GAD2: variants seen among roughly 807,000 people sequenced by gnomAD.
GAD2 encodes the protein glutamate decarboxylase 2.
In GAD2, 22 loss-of-function variants were observed where a neutral mutation model predicts 80.1. The ratio of observed to expected loss-of-function variants is 0.27; its 90% confidence interval spans 0.20 to 0.39. The LOEUF is 0.39. GAD2 is among the 10% of genes least tolerant of loss of function. GAD2 has a pLI of 1.00. For missense variants in GAD2, 624 were observed against 738.4 expected (o/e 0.85, Z 1.80); for synonymous variants, 274 against 256.9 (o/e 1.07, Z -0.64).
At chr10:26,262,518 T>G (rs1448626211) in intron 8 of GAD2, among the ~76,000 whole-genome samples, 1 of 152,102 alleles carries the variant, frequency 6.6e-6, no homozygotes, top group African/African-American at 2.4e-5. Context: ...GTCCCATCTT[T>G]TGAATTTATT....
chr10:26,282,594 C>T (rs1323125874), intron 12 of GAD2, among the ~76,000 whole-genome samples: 1 of 152,108 alleles, frequency 6.6e-6, no homozygotes, highest in African/African-American at 2.4e-5. Context: ...TATTCTATCA[C>T]ATAATTCAAT....
intron 12 of GAD2, among the ~76,000 whole-genome samples, chr10:26,284,967 C>T (rs1336325664): frequency 6.6e-6 from 1 of 152,092 alleles, no homozygotes; most frequent in Non-Finnish European, 1.5e-5. Context: ...CTGAGGTGGT[C>T]TTCCTTAGTA....
chr10:26,296,304 A>G (rs1834272855), intron 15 of GAD2, among the ~76,000 whole-genome samples: 1 of 152,248 alleles, frequency 6.6e-6, no homozygotes, highest in Admixed American at 6.5e-5. Context: ...TTCAGTCTAT[A>G]GCAAATACCT....
intron 12 of GAD2, among the ~76,000 whole-genome samples, chr10:26,283,018 T>C (rs1845289558): frequency 1.3e-5 from 2 of 152,246 alleles, no homozygotes; most frequent in Admixed American, 1.3e-4. Flanking sequence ...ATTTTTGTTA[T>C]TTAGAATTCA....
rs1262383631 is a variant in GAD2 at position 26,292,945 on chromosome 10, T to G, written c.1538T>G (p.Leu513Trp). The G allele has an allele frequency of 5.6e-6, 9 of 1,613,890 alleles. No individual in the cohort carries two copies. Among genetic ancestry groups the G allele is most frequent in the Non-Finnish European group, 7.6e-6 (9 of 1,179,944 alleles). The change falls in exon 15 of 16, where the codon TTG becomes TGG. Residue 513 changes from leucine (L) to tryptophan (W), a missense_variant. By Grantham distance (61) the Leu-to-Trp change is moderately conservative. Coordinates refer to ENST00000376261, the MANE Select transcript of GAD2 (RefSeq NM_001134366.2). ...TGCTTCTGGTACATTCCTCCAAGCTTGCGTACTCTGGAAGACAATGAAGAG... is the reference window on the plus strand; with the variant it reads ...TGCTTCTGGTACATTCCTCCAAGCTGGCGTACTCTGGAAGACAATGAAGAG... ...NVCFWYIPPS[L>W]RTLEDNEERM...
chr10:26,236,407 G>A (rs990058991), intron 7 of GAD2, among the ~76,000 whole-genome samples: 7 of 150,620 alleles, frequency 4.6e-5, no homozygotes, highest in African/African-American at 1.5e-4. Context: ...ATCAAGCAAT[G>A]GTCCTGCCTC....
chr10:26,235,496 G>A (rs1844660494), intron 7 of GAD2, among the ~76,000 whole-genome samples: 1 of 152,118 alleles, frequency 6.6e-6, no homozygotes, highest in South Asian at 2.1e-4. Flanking sequence ...AATTTTTCTG[G>A]TTGTTTGAAT....
rs182174177 is a variant in GAD2 at position 26,242,907 on chromosome 10, G to A, written c.841-3014G>A. ...GTGCTTAAGAGCTCATTCACAGAGG[G>A]GTGTAATTTGAGTGGCTTGCATGTA... On this transcript the variant is annotated intron_variant, in intron 7 of 15. Transcript: ENST00000376261. Among the ~76,000 whole-genome samples, 82 of 152,204 alleles carry A rather than the reference G, an allele frequency of 5.4e-4. 1 individual carries two copies. Among genetic ancestry groups the A allele is most frequent in the African/African-American group, 2.0e-3 (82 of 41,528 alleles).
chr10:26,298,628 T>G lies in GAD2; in HGVS notation c.1585-2160T>G, dbSNP rs951034120. On this transcript the variant is annotated intron_variant, in intron 15 of 15. Transcript: ENST00000376261. ...GCTTGGATTACCCATGAAAACTAAA[T>G]GAGACTTTAATTTACTGAGTAAAGC... Among the ~76,000 whole-genome samples the G allele has an allele frequency of 3.3e-5, 5 of 152,238 alleles. No individual in the cohort carries two copies. In the East Asian group the frequency reaches 9.6e-4, roughly 29 times the overall value.
In GAD2 at chr10:26,219,392, A is replaced by C. The variant is rs1453559676; in HGVS notation, c.520+116A>C. ...CTGATATTTTCAAAATTGCAAAGTT[A>C]TTTTCATCATGTAAAAAATAGTCAT... On this transcript the variant is annotated intron_variant, in intron 4 of 15. Coordinates refer to ENST00000376261, the MANE Select transcript of GAD2 (RefSeq NM_001134366.2). 4.6e-6 allele frequency: 3 copies of C among 653,630 alleles called. No individual in the cohort carries two copies. The African/African-American group carries it at 5.5e-5, about 12-fold the overall frequency. The allele number at this position is 653,630 out of a possible 1,614,324, so 40.5% of individuals were successfully genotyped here.
rs372734103 is a variant in GAD2 at position 26,273,572 on chromosome 10, C to T, written c.1093-64C>T. 6.6e-6 allele frequency: 9 copies of T among 1,363,644 alleles called. No individual in the cohort carries two copies. The African/African-American group carries it at 1.1e-4, about 17-fold the overall frequency. 84.5% of individuals were successfully genotyped at this position (1,363,644 alleles called of 1,614,324 possible). On this transcript the variant is annotated intron_variant, in intron 10 of 15. Transcript: ENST00000376261. ...AAGATCATTTTCACCTAGAAAGACA[C>T]CAGACTATAGAAATCTAGGCAATGA...
At position 26,273,624 on chromosome 10, in the gene GAD2, A is replaced by AT. The variant is rs746687188; in HGVS notation, c.1093-4dup. The AT allele has an allele frequency of 2.3e-5, 37 of 1,609,688 alleles. No homozygotes were observed. The highest frequency in any genetic ancestry group is 6.7e-5 in the East Asian group (3 of 44,810). ...AAACTGCTACCATTTTCCTCATATG[A>AT]TTTTTTTTCAGGCAGCTTGGGGTGG... On this transcript the variant is annotated splice_polypyrimidine_tract_variant and intron_variant, in intron 10 of 15. Transcript: ENST00000376261.
chr10:26,286,152 G>C (rs1382896548), intron 12 of GAD2, among the ~76,000 whole-genome samples, 193 bp from the exon 13 acceptor site: 1 of 152,132 alleles, frequency 6.6e-6, no homozygotes, highest in African/African-American at 2.4e-5. Context: ...TGATCCCACA[G>C]AGTTGACCAT....
intron 3 of GAD2, among the ~76,000 whole-genome samples, chr10:26,218,547 T>A (rs1239118627): frequency 2.7e-4 from 18 of 66,306 alleles, no homozygotes; most frequent in African/African-American, 6.5e-4. Flanking sequence ...TCTCTCTCTC[T>A]CTCTCACACA....
At chr10:26,243,607 T>C (rs1844769926) in intron 7 of GAD2, among the ~76,000 whole-genome samples, 4 of 152,208 alleles carry the variant, frequency 2.6e-5, no homozygotes, top group Non-Finnish European at 5.9e-5. Context: ...CCGGAATCAA[T>C]AACCAAAGGC....
chr10:26,245,163 A>AT (rs1402353570), intron 7 of GAD2, among the ~76,000 whole-genome samples: 1 of 149,780 alleles, frequency 6.7e-6, no homozygotes, highest in African/African-American at 2.5e-5. Flanking sequence ...CAAAAAAAAA[A>AT]AAAAAAGAAA....
intron 15 of GAD2, among the ~76,000 whole-genome samples, chr10:26,297,089 A>G (rs564742966): frequency 1.3e-5 from 2 of 151,782 alleles, no homozygotes; most frequent in African/African-American, 4.8e-5. Context: ...TAATTTTTAT[A>G]TTTTTTGGTC....
chr10:26,224,104 A>G (rs1170495149), intron 5 of GAD2, 127 bp downstream of exon 5: 7 of 632,472 alleles, frequency 1.1e-5, no homozygotes, highest in Non-Finnish European at 1.9e-5. Context: ...AAACTTCTGA[A>G]GTGTGAGTGT....
At chr10:26,280,261 A>G (rs1482625183) in intron 11 of GAD2, among the ~76,000 whole-genome samples, 1 of 152,222 alleles carries the variant, frequency 6.6e-6, no homozygotes, top group African/African-American at 2.4e-5. Context: ...GGTCTCAGTT[A>G]ATTTTGAAAG....
Sources: allele counts gnomAD v4.1 joint callset (sites outside exome capture counted in the v4.1 genomes callset), GRCh38; gene constraint gnomAD v4.1.1; transcripts MANE v1.5; gene names NCBI Gene and HGNC (gene_info 2026-07-23, HGNC 2026-07-21).